MCMDC2: variants seen among roughly 807,000 people sequenced by gnomAD.
MCMDC2 encodes minichromosome maintenance domain-containing protein 2.
A neutral mutation model predicts 75.8 loss-of-function variants in MCMDC2; 54 were observed. The ratio of observed to expected loss-of-function variants is 0.71; its 90% CI spans 0.57 to 0.89. The LOEUF (loss-of-function observed/expected upper bound fraction) is 0.89, where lower values mean the gene tolerates loss of function less well. Among genes scored for constraint, MCMDC2 ranks in the 40% least tolerant of loss-of-function variants. MCMDC2 has a pLI of 0.00. For missense variants in MCMDC2, 656 were observed against 780.4 expected, an observed-to-expected ratio of 0.84 and a Z score of 1.90; for synonymous variants, 249 against 274.6, an observed-to-expected ratio of 0.91 and a Z score of 0.92.
Position 66,920,393 on chromosome 8 carries a change from G to C in MCMDC2, c.*1224G>C, listed in dbSNP as rs1399959873. 1.3e-5 allele frequency: 2 copies of C among 152,118 alleles called. No individual in the cohort carries two copies. Among genetic ancestry groups the C allele is most frequent in the Admixed American group, 1.3e-4 (2 of 15,248 alleles). The allele number at this position is 152,118 out of a possible 1,614,324, so 9.4% of individuals were successfully genotyped here. A position where few individuals can be genotyped will look rare whatever the true frequency, so the allele number is the denominator to read the frequency against. Reference sequence around the variant, plus strand: ...ACTCCACCATGACTGGCTAATTTTTGTATTTTTAGTAGAGACAGGGTTTCA... The same window carrying C: ...ACTCCACCATGACTGGCTAATTTTTCTATTTTTAGTAGAGACAGGGTTTCA... On this transcript the variant is annotated 3_prime_UTR_variant, in exon 15 of 15. Transcript: ENST00000422365.
Position 66,874,344 on chromosome 8 carries a change from C to G in MCMDC2, c.113C>G (p.Ala38Gly). The G allele has an allele frequency of 6.2e-7, 1 of 1,612,054 alleles. No homozygotes were observed. The highest frequency in any genetic ancestry group is 1.1e-5 in the South Asian group (1 of 90,320). ...TTCATAGATTCAAAACAAAGCTATG[C>G]TGTCTATCGATTCAAAATTTTAATA... ...KYYNDSKQSYAVYRFKILINP... is the reference protein window; with the variant it reads ...KYYNDSKQSYGVYRFKILINP... Residue 38 changes from alanine to glycine, a missense_variant, in exon 3 of 15, where the codon GCT becomes GGT. Coordinates refer to ENST00000422365, the MANE Select transcript of MCMDC2 (RefSeq NM_173518.5).
chr8:66,923,116 C>T (rs73691154), downstream of MCMDC2, among the ~76,000 whole-genome samples: 2,669 of 152,220 alleles, frequency 0.018, 76 homozygotes, highest in African/African-American at 0.059. Context: ...AGTACACAGC[C>T]GTTGCTTTTC....
At chr8:66,924,805 T>C (rs928641110), downstream of MCMDC2, among the ~76,000 whole-genome samples, 4 of 152,132 alleles carry the variant, frequency 2.6e-5, no homozygotes, top group Admixed American at 6.5e-5. Flanking sequence ...CACGTGTTGT[T>C]CTCCAACCTC....
At chr8:66,900,428 A>C (rs541416834) in intron 12 of MCMDC2, among the ~76,000 whole-genome samples, 4 of 152,230 alleles carry the variant, frequency 2.6e-5, no homozygotes, top group African/African-American at 9.6e-5. Flanking sequence ...ACAAGAGCGA[A>C]ACTCCTTCTC....
intron 1 of MCMDC2, among the ~76,000 whole-genome samples, chr8:66,873,305 C>G (rs1811113278): frequency 6.6e-6 from 1 of 152,072 alleles, no homozygotes. Context: ...GATACTGAGC[C>G]AAGAGAGGTC....
intron 9 of MCMDC2, among the ~76,000 whole-genome samples, chr8:66,887,016 T>C (rs1271020608): frequency 6.6e-6 from 1 of 152,230 alleles, no homozygotes; most frequent in Non-Finnish European, 1.5e-5. Context: ...GCCACTCATA[T>C]ATCTCTTTTT....
downstream of MCMDC2, chr8:66,922,864 C>T (rs1311118670): frequency 5.1e-6 from 1 of 195,538 alleles, no homozygotes; most frequent in East Asian, 1.4e-4. Context: ...ACTCCCAAAC[C>T]ACTTTTTAAT....
intron 9 of MCMDC2, among the ~76,000 whole-genome samples, chr8:66,889,640 A>G (rs147877075): frequency 6.6e-6 from 1 of 152,268 alleles, no homozygotes; most frequent in Non-Finnish European, 1.5e-5. Flanking sequence ...CTCCAAAAAA[A>G]ACAAAAAATT....
chr8:66,905,512 T>C, intron 14 of MCMDC2, 177 bp downstream of exon 14: 1 of 473,210 alleles, frequency 2.1e-6, no homozygotes, highest in Admixed American at 4.6e-5. Context: ...TTCTGGGTAG[T>C]ATCATCATCT....
intron 12 of MCMDC2, among the ~76,000 whole-genome samples, chr8:66,900,700 T>TG (rs1262116153): frequency 2.6e-5 from 4 of 152,218 alleles, no homozygotes; most frequent in Non-Finnish European, 5.9e-5. Flanking sequence ...AATCATGTGT[T>TG]GCAGAATTAT....
intron 8 of MCMDC2, 151 bp downstream of exon 8, chr8:66,881,125 G>A (rs1053813588): frequency 1.9e-4 from 106 of 544,932 alleles, no homozygotes; most frequent in Non-Finnish European, 7.1e-5. Flanking sequence ...CTGTTCTTAA[G>A]TCACATGGCA....
At chr8:66,917,449 C>A (rs1176075104) in intron 14 of MCMDC2, among the ~76,000 whole-genome samples, 1 of 152,144 alleles carries the variant, frequency 6.6e-6, no homozygotes, top group Admixed American at 6.5e-5. Context: ...TTAAAATGTT[C>A]AGTTCAGTGT....
chr8:66,922,824 T>C (rs1400165776), downstream of MCMDC2: 2 of 234,168 alleles, frequency 8.5e-6, no homozygotes, highest in East Asian at 2.3e-4. Context: ...CTCATTCCTT[T>C]AGGAACTGTA....
intron 14 of MCMDC2, among the ~76,000 whole-genome samples, chr8:66,917,495 A>G (rs1383292416): frequency 6.6e-6 from 1 of 152,216 alleles, no homozygotes; most frequent in Non-Finnish European, 1.5e-5. Flanking sequence ...TTGGGCAACC[A>G]TCACCACCCT....
In MCMDC2 at chr8:66,877,505, A is replaced by G. The variant is rs374607726; in HGVS notation, c.442A>G (p.Arg148Gly). The change falls in exon 5 of 15, where the codon AGA becomes GGA. Residue 148 changes from arginine (R) to glycine (G), a missense_variant. Physicochemically the swap from Arg to Gly is moderately radical, Grantham distance 125. Transcript: ENST00000422365. ...TATAACCAAGTATACACAAGGGGCA[A>G]GATTTCTTTGTTCAGATGAAGCATG... ...TTITKYTQGA[R>G]FLCSDEACPL... The G allele has an allele frequency of 4.4e-6, 7 of 1,607,504 alleles. No homozygotes were observed. Among genetic ancestry groups the G allele is most frequent in the Non-Finnish European group, 5.9e-6 (7 of 1,178,364 alleles).
intron 7 of MCMDC2, among the ~76,000 whole-genome samples, chr8:66,879,419 C>T (rs1811454933): frequency 6.6e-6 from 1 of 152,074 alleles, no homozygotes; most frequent in African/African-American, 2.4e-5. Context: ...ATGGTGAAAT[C>T]CCATCTCTAC....
At chr8:66,902,739 T>C (rs1186559899) in intron 13 of MCMDC2, among the ~76,000 whole-genome samples, 11 of 137,672 alleles carry the variant, frequency 8.0e-5, no homozygotes, top group East Asian at 4.2e-4. Context: ...TATATATATA[T>C]ATACATATAT....
chr8:66,918,121 G>A (rs1288398343), intron 14 of MCMDC2, among the ~76,000 whole-genome samples: 1 of 152,086 alleles, frequency 6.6e-6, no homozygotes, highest in Non-Finnish European at 1.5e-5. Flanking sequence ...GTAGCTCATT[G>A]TAGTTTTGAT....
intron 9 of MCMDC2, among the ~76,000 whole-genome samples, chr8:66,889,929 T>G (rs983580637): frequency 2.6e-5 from 4 of 152,156 alleles, no homozygotes; most frequent in African/African-American, 9.7e-5. Context: ...GATGGGACAC[T>G]AGCAAGCCTA....
Sources: gnomAD v4.1 joint callset for allele counts (sites outside exome capture counted in the v4.1 genomes callset) on GRCh38, gnomAD v4.1.1 for gene constraint, MANE v1.5 for transcripts, NCBI Gene and HGNC (gene_info 2026-07-23, HGNC 2026-07-21) for gene names.